The following PIGK variants were observed in gnomAD, a reference collection of about 807,000 sequenced individuals.
PIGK encodes the protein GPI-anchor transamidase.
PIGK carries 42 observed loss-of-function variants against 50.6 expected under a neutral mutation model. The ratio of observed to expected loss-of-function variants is 0.83; its 90% CI spans 0.65 to 1.07. The LOEUF (loss-of-function observed/expected upper bound fraction) is 1.07, where lower values mean the gene tolerates loss of function less well. Ranked by LOEUF, PIGK falls within the 50% of genes least tolerant of loss-of-function variation. PIGK has a pLI of 0.00. For synonymous variants in PIGK, 151 were observed against 156.0 expected, an observed-to-expected ratio of 0.97 and a Z score of 0.24; for missense variants, 448 against 488.7, an observed-to-expected ratio of 0.92 and a Z score of 0.78.
chr1:77,118,800 G>A (rs1455667968), intron 10 of PIGK, among the ~76,000 whole-genome samples: 3 of 152,144 alleles, frequency 2.0e-5, no homozygotes, highest in East Asian at 3.9e-4. Context: ...AGGGTATCTA[G>A]GTTTGTGATG....
intron 6 of PIGK, 83 bp downstream of exon 6, chr1:77,163,763 A>G: frequency 1.3e-6 from 1 of 747,274 alleles, no homozygotes; most frequent in East Asian, 2.9e-5. Flanking sequence ...TAAAAATCTT[A>G]AAAAATAAAA....
At chr1:77,200,237 A>G (rs759248466) in intron 3 of PIGK, among the ~76,000 whole-genome samples, 2 of 152,142 alleles carry the variant, frequency 1.3e-5, no homozygotes, top group Non-Finnish European at 2.9e-5. Flanking sequence ...TGAAGTACAG[A>G]AGCACGTACC....
chr1:77,146,208 C>T (rs922060439), intron 9 of PIGK, among the ~76,000 whole-genome samples: 14 of 151,410 alleles, frequency 9.2e-5, no homozygotes, highest in African/African-American at 3.2e-4. Context: ...GGATCACAGA[C>T]CTACACATAA....
chr1:77,189,492 G>C (rs562580445), intron 3 of PIGK, among the ~76,000 whole-genome samples: 1 of 152,066 alleles, frequency 6.6e-6, no homozygotes, highest in South Asian at 2.1e-4. Flanking sequence ...AGGGTGGCTA[G>C]AATATAAAGC....
intron 4 of PIGK, among the ~76,000 whole-genome samples, chr1:77,168,847 A>G (rs1250365375): frequency 6.6e-6 from 1 of 152,062 alleles, no homozygotes; most frequent in Non-Finnish European, 1.5e-5. Flanking sequence ...CTTATCACAT[A>G]TTCATAAAAA....
At chr1:77,104,843 G>A (rs556247702) in intron 10 of PIGK, among the ~76,000 whole-genome samples, 19 of 152,310 alleles carry the variant, frequency 1.2e-4, no homozygotes, top group African/African-American at 4.1e-4. Context: ...AGGTGAGGGT[G>A]CCCACGACTC....
chr1:77,186,866 T>C (rs993976053), intron 3 of PIGK, among the ~76,000 whole-genome samples: 1 of 152,198 alleles, frequency 6.6e-6, no homozygotes, highest in African/African-American at 2.4e-5. Context: ...TTCCTCGGCA[T>C]GATTAGGCAG....
intron 3 of PIGK, among the ~76,000 whole-genome samples, chr1:77,191,303 C>T (rs1160588213): frequency 6.6e-6 from 1 of 152,176 alleles, no homozygotes; most frequent in Non-Finnish European, 1.5e-5. Context: ...TCTATCATAA[C>T]TTAAACTACT....
At chr1:77,161,962 C>A (rs1655138496) in intron 6 of PIGK, among the ~76,000 whole-genome samples, 1 of 152,144 alleles carries the variant, frequency 6.6e-6, no homozygotes, top group Non-Finnish European at 1.5e-5. Context: ...CTTGTCTATG[C>A]CATATAATTC....
intron 8 of PIGK, 41 bp from the exon 9 acceptor site, chr1:77,154,662 A>G: frequency 4.1e-6 from 5 of 1,210,706 alleles, no homozygotes; most frequent in Non-Finnish European, 4.8e-6. Flanking sequence ...ATCCACACAC[A>G]TACCACATTT....
chr1:77,185,509 A>T (rs115562977), intron 3 of PIGK, among the ~76,000 whole-genome samples: 2,977 of 152,226 alleles, frequency 0.02, 33 homozygotes, highest in Non-Finnish European at 0.032. Flanking sequence ...GTCTAAGGTG[A>T]AGGATAAGTT....
chr1:77,107,623 A>G (rs1039906578), intron 10 of PIGK, among the ~76,000 whole-genome samples: 1 of 152,124 alleles, frequency 6.6e-6, no homozygotes, highest in Non-Finnish European at 1.5e-5. Flanking sequence ...TGCAGAGCTG[A>G]GTTCAATTCC....
intron 3 of PIGK, among the ~76,000 whole-genome samples, chr1:77,190,400 CA>C (rs1053376196): frequency 6.7e-6 from 1 of 149,888 alleles, no homozygotes; most frequent in Non-Finnish European, 1.5e-5. Context: ...GACCTTGTCT[CA>C]AAAAAAAGAA....
chr1:77,195,481 A>C, intron 3 of PIGK: 1 of 785,622 alleles, frequency 1.3e-6, no homozygotes, highest in Non-Finnish European at 1.9e-6. Context: ...AAAAGAAAAG[A>C]ATGACTATTA....
chr1:77,107,977 G>C (rs1653733056), intron 10 of PIGK, among the ~76,000 whole-genome samples: 1 of 152,076 alleles, frequency 6.6e-6, no homozygotes, highest in East Asian at 1.9e-4. Flanking sequence ...TTGAGCCTAT[G>C]TGAGTCTCTG....
intron 10 of PIGK, among the ~76,000 whole-genome samples, chr1:77,110,829 C>A (rs577221016): frequency 6.6e-6 from 1 of 152,292 alleles, no homozygotes; most frequent in South Asian, 2.1e-4. Flanking sequence ...AGGCAACCTA[C>A]AGAGTGGGAG....
At chr1:77,157,948 A>G (rs955618253) in intron 8 of PIGK, among the ~76,000 whole-genome samples, 2 of 152,068 alleles carry the variant, frequency 1.3e-5, no homozygotes, top group African/African-American at 4.8e-5. Context: ...GCCTTCCACA[A>G]TGATTGTGAG....
In PIGK at chr1:77,180,410, A is replaced by G. The variant is rs142748642; in HGVS notation, c.240-11015T>C. 2.7e-3 allele frequency among the ~76,000 whole-genome samples: 414 copies of G among 152,326 alleles called. 2 individuals carry two copies. The highest frequency in any genetic ancestry group is 9.6e-3 in the African/African-American group (401 of 41,582). On this transcript the variant is annotated intron_variant, in intron 3 of 10. Transcript: ENST00000370812. ...AAAAAAAATGGGAGGGCACATACAT[A>G]TACATCTACTTATTTATAAGTCATA...
chr1:77,193,676 C>A (rs566196701), intron 3 of PIGK, among the ~76,000 whole-genome samples: 1 of 152,128 alleles, frequency 6.6e-6, no homozygotes, highest in Non-Finnish European at 1.5e-5. Flanking sequence ...TTTGTTAACC[C>A]TTTTCTATAT....
Sources: allele counts gnomAD v4.1 joint callset (sites outside exome capture counted in the v4.1 genomes callset), GRCh38; gene constraint gnomAD v4.1.1; transcripts MANE v1.5; gene names NCBI Gene and HGNC (gene_info 2026-07-23, HGNC 2026-07-21).